Variants in CDC25A observed in about 807,000 individuals in gnomAD.
The protein encoded by CDC25A is cell division cycle 25A.
Under a neutral mutation model 64.6 loss-of-function variants are expected in CDC25A, and 17 were observed. The ratio of observed to expected loss-of-function variants is 0.26; its 90% CI spans 0.18 to 0.39. CDC25A has a LOEUF of 0.39. Ranked by LOEUF, CDC25A falls within the 10% of genes least tolerant of loss-of-function variation. The probability of loss-of-function intolerance (pLI) is 1.00; values close to 1 mark genes in which losing one functional copy is unlikely to be tolerated. For synonymous variants in CDC25A, 229 were observed against 238.6 expected, an observed-to-expected ratio of 0.96 and a Z score of 0.37; for missense variants, 473 against 654.8, an observed-to-expected ratio of 0.72 and a Z score of 3.03.
Position 48,187,763 on chromosome 3 carries a change from C to A in CDC25A, c.170+15G>T. On this transcript the variant is annotated intron_variant, in intron 1 of 14. Coordinates refer to ENST00000302506, the MANE Select transcript of CDC25A (RefSeq NM_001789.3). Reference sequence around the variant, plus strand: ...GGCCAGGGGCCCGGAGCACCGCCCGCCGGTCTCTCCTTACCTGCCCAGACC... The same window carrying A: ...GGCCAGGGGCCCGGAGCACCGCCCGACGGTCTCTCCTTACCTGCCCAGACC... 1 of 1,533,290 alleles carries A rather than the reference C, an allele frequency of 6.5e-7. No homozygotes were observed. The highest frequency in any genetic ancestry group is 1.4e-5 in the African/African-American group (1 of 70,706). 95.0% of individuals were successfully genotyped at this position (1,533,290 alleles called of 1,614,324 possible).
intron 4 of CDC25A, 124 bp from the exon 5 acceptor site, chr3:48,183,154 T>G: frequency 4.8e-6 from 3 of 624,552 alleles, no homozygotes; most frequent in Non-Finnish European, 2.9e-6. Flanking sequence ...CACACTGCAG[T>G]AGGTAACCAG....
Position 48,158,477 on chromosome 3 carries a change from AAAAAT to A in CDC25A, c.*463_*467del, listed in dbSNP as rs1168053190. ...AAATAAGTCTCCAGGAGTTAGAAAA[AAAAAT>A]AAAATAAAGTGATTGATGAAGTTGA... On this transcript the variant is annotated 3_prime_UTR_variant, in exon 15 of 15. Transcript: ENST00000302506. 5 of 153,130 alleles carry A rather than the reference AAAAAT, an allele frequency of 3.3e-5. No individual in the cohort carries two copies. In the East Asian group the frequency reaches 7.7e-4, roughly 24 times the overall value. 9.5% of individuals were successfully genotyped at this position (153,130 alleles called of 1,614,324 possible).
intron 9 of CDC25A, among the ~76,000 whole-genome samples, chr3:48,170,832 A>G (rs183637999): frequency 1.2e-4 from 19 of 152,318 alleles, no homozygotes; most frequent in South Asian, 2.1e-4. Context: ...TAGGAGTTAT[A>G]TGACAGAAGG....
At chr3:48,165,765 T>G (rs1466040650) in intron 11 of CDC25A, 31 bp from the exon 12 acceptor site, 2 of 1,601,248 alleles carry the variant, frequency 1.2e-6, no homozygotes, top group Non-Finnish European at 8.6e-7. Flanking sequence ...AGAATCAACT[T>G]TGACCGTCAG....
In CDC25A at chr3:48,157,850, T is replaced by C. The variant is rs2031581870; in HGVS notation, c.*1095A>G. On this transcript the variant is annotated 3_prime_UTR_variant, in exon 15 of 15. Coordinates refer to ENST00000302506, the MANE Select transcript of CDC25A (RefSeq NM_001789.3). ...GGCTTCCAGCCCCTCTCCTCACCCT[T>C]GGGTGGTCCATCCAACACTGATTTG... 6.5e-6 allele frequency: 1 copy of C among 152,694 alleles called. No homozygotes were observed. The highest frequency in any genetic ancestry group is 2.4e-5 in the African/African-American group (1 of 41,448). The allele number at this position is 152,694 out of a possible 1,614,324, so 9.5% of individuals were successfully genotyped here. A position where few individuals can be genotyped will look rare whatever the true frequency, so the allele number is the denominator to read the frequency against.
intron 6 of CDC25A, among the ~76,000 whole-genome samples, chr3:48,178,268 T>C (rs1397982629): frequency 6.6e-6 from 1 of 152,168 alleles, no homozygotes; most frequent in African/African-American, 2.4e-5. Context: ...AAGAACAAGG[T>C]TTCTTTTATT....
intron 4 of CDC25A, among the ~76,000 whole-genome samples, chr3:48,183,507 T>A (rs3731504): frequency 2.6e-5 from 4 of 151,908 alleles, no homozygotes; most frequent in Non-Finnish European, 4.4e-5. Flanking sequence ...GAGACCCCCA[T>A]GTCTACAAAA....
chr3:48,182,394 A>G (rs1575272767), intron 5 of CDC25A, among the ~76,000 whole-genome samples: 1 of 152,192 alleles, frequency 6.6e-6, no homozygotes, highest in East Asian at 1.9e-4. Flanking sequence ...AAAGAACAAA[A>G]AAGCCAGGCT....
chr3:48,187,794 G>A lies in CDC25A; in HGVS notation c.154C>T (p.Leu52=). The A allele has an allele frequency of 6.5e-7, 1 of 1,547,936 alleles. No individual in the cohort carries two copies. The stretch of plus-strand genomic sequence containing the variant: ...TCTCCTTACCTGCCCAGACCCTGCA[G>A]CTGGTCCATAGTGACGGTCAGGTTG... The part of the protein sequence containing the change: ...VTNLTVTMDQ[L]QGLGSDYEQP... Residue 52 remains leucine (L), a synonymous_variant, in exon 1 of 15, where the codon CTG becomes TTG. Transcript: ENST00000302506.
intron 6 of CDC25A, among the ~76,000 whole-genome samples, chr3:48,178,915 A>C (rs1431009299): frequency 6.6e-6 from 1 of 152,228 alleles, no homozygotes; most frequent in Non-Finnish European, 1.5e-5. Context: ...CCAGAAAAAA[A>C]AGTTTAGAGT....
Position 48,159,376 on chromosome 3 carries a change from C to A in CDC25A, c.1402G>T (p.Gly468Trp). 6.2e-7 allele frequency: 1 copy of A among 1,613,606 alleles called. No homozygotes were observed. The highest frequency in any genetic ancestry group is 8.5e-7 in the Non-Finnish European group (1 of 1,179,560). Residue 468 changes from glycine (G) to tryptophan (W), a missense_variant, in exon 14 of 15, where the codon GGG becomes TGG. Gly to Trp is a radical substitution (Grantham distance 184, BLOSUM62 -2). Coordinates refer to ENST00000302506, the MANE Select transcript of CDC25A (RefSeq NM_001789.3). ...TTCATAAAGAACTCCTTGTATCCCC[C>A]CTTCAGGACATACAGCTCAGGGTAG... The part of the protein sequence containing the change: ...LHYPELYVLK[G>W]GYKEFFMKCQ...
chr3:48,185,422 C>CAAA (rs35677711), intron 2 of CDC25A, among the ~76,000 whole-genome samples: 16 of 89,428 alleles, frequency 1.8e-4, no homozygotes, highest in South Asian at 4.1e-4. Context: ...GACCCTGTCT[C>CAAA]AAAAAAAAAA....
intron 9 of CDC25A, among the ~76,000 whole-genome samples, chr3:48,174,002 GC>G (rs2032362788): frequency 1.3e-5 from 2 of 152,120 alleles, no homozygotes; most frequent in African/African-American, 4.8e-5. Flanking sequence ...CATGAAAACA[GC>G]CAAGTATCAG....
Position 48,188,090 on chromosome 3 carries a change from C to T in CDC25A, c.-143G>A, listed in dbSNP as rs2032916609. On this transcript the variant is annotated 5_prime_UTR_variant, in exon 1 of 15. Coordinates refer to ENST00000302506, the MANE Select transcript of CDC25A (RefSeq NM_001789.3). Reference sequence around the variant, plus strand: ...AACACGACTCCGCGGTTCAGGGACGCGGCTGCCGCGGGCAAGCGGCGCGGC... The same window carrying T: ...AACACGACTCCGCGGTTCAGGGACGTGGCTGCCGCGGGCAAGCGGCGCGGC... 2 of 643,882 alleles carry T rather than the reference C, an allele frequency of 3.1e-6. No individual in the cohort carries two copies. The highest frequency in any genetic ancestry group is 2.2e-6 in the Non-Finnish European group (1 of 458,696). 39.9% of individuals were successfully genotyped at this position (643,882 alleles called of 1,614,324 possible).
intron 8 of CDC25A, chr3:48,174,719 T>C: frequency 3.5e-6 from 1 of 287,760 alleles, no homozygotes; most frequent in Non-Finnish European, 6.4e-6. Flanking sequence ...ACAAAAACTG[T>C]CTACATAATC....
At chr3:48,174,661 A>G (rs2032393132) in intron 8 of CDC25A, 8 of 502,378 alleles carry the variant, frequency 1.6e-5, no homozygotes, top group Non-Finnish European at 1.7e-5. Flanking sequence ...CAATGAATAT[A>G]TACTCAGCTG....
rs971603354 is a variant in CDC25A at position 48,181,502 on chromosome 3, G to A, written c.430-662C>T. ...ACTGGCGTGGGTGGCTGAGTTCCCC[G>A]TTGCCCTTGGTCTCGGGGTCGCGGT... On this transcript the variant is annotated intron_variant, in intron 5 of 14. Transcript: ENST00000302506. 4.3e-5 allele frequency: 43 copies of A among 1,002,886 alleles called. No individual in the cohort carries two copies. In the East Asian group the frequency reaches 4.8e-4, roughly 11 times the overall value. The allele number at this position is 1,002,886 out of a possible 1,614,324, so 62.1% of individuals were successfully genotyped here.
intron 6 of CDC25A, among the ~76,000 whole-genome samples, chr3:48,178,455 T>C (rs148821586): frequency 1.7e-3 from 252 of 152,378 alleles, no homozygotes; most frequent in Middle Eastern, 3.4e-3. Flanking sequence ...AACTTCCTTC[T>C]ATAAAATCTA....
In CDC25A at chr3:48,174,265, A is replaced by T; in HGVS notation, c.930+19T>A. 6.3e-7 allele frequency: 1 copy of T among 1,593,346 alleles called. No individual in the cohort carries two copies. Among genetic ancestry groups the T allele is most frequent in the Admixed American group, 1.9e-5 (1 of 53,864 alleles). On this transcript the variant is annotated intron_variant, in intron 9 of 14. Coordinates refer to ENST00000302506, the MANE Select transcript of CDC25A (RefSeq NM_001789.3). ...ATACAGTATCTGTGCTAGAGCAAAA[A>T]GGAACCTAGGAAACTAACCTCATGG... is the stretch of plus-strand genomic sequence containing the variant.
Sources: gnomAD v4.1 joint callset for allele counts (sites outside exome capture counted in the v4.1 genomes callset) on GRCh38, gnomAD v4.1.1 for gene constraint, MANE v1.5 for transcripts, NCBI Gene and HGNC (gene_info 2026-07-23, HGNC 2026-07-21) for gene names.